Variants in OTUD7A observed in about 807,000 individuals in gnomAD.
OTUD7A encodes OTU deubiquitinase 7A.
A neutral mutation model predicts 65.7 loss-of-function variants in OTUD7A; 12 were observed. The observed-to-expected ratio is 0.18, with a 90% CI of 0.12 to 0.30. The LOEUF (loss-of-function observed/expected upper bound fraction) is 0.30. Ranked by LOEUF, OTUD7A falls within the 10% of genes least tolerant of loss-of-function variation. The pLI is 1.00. For missense variants in OTUD7A, 1,148 were observed against 1,304.8 expected (o/e 0.88, Z 1.85); for synonymous variants, 641 against 586.3 (o/e 1.09, Z -1.35).
intron 3 of OTUD7A, among the ~76,000 whole-genome samples, chr15:31,619,480 C>CTTCACA (rs1566946481): frequency 1.3e-5 from 2 of 151,822 alleles, no homozygotes; most frequent in Admixed American, 6.6e-5. Flanking sequence ...CTGAAGAGGT[C>CTTCACA]CTTCACATCC....
chr15:31,771,782 C>T (rs1162041730), intron 1 of OTUD7A, among the ~76,000 whole-genome samples: 2 of 152,188 alleles, frequency 1.3e-5, no homozygotes, highest in African/African-American at 2.4e-5. Flanking sequence ...CCTCTCCAAC[C>T]TCTTCAGCCT....
chr15:31,503,874 G>A (rs2041513947), intron 8 of OTUD7A, 56 bp from the exon 9 acceptor site: 1 of 1,602,306 alleles, frequency 6.2e-7, no homozygotes, highest in African/African-American at 1.3e-5. Flanking sequence ...GGAGGATGGA[G>A]AAAGTGGGGA....
intron 1 of OTUD7A, among the ~76,000 whole-genome samples, chr15:31,806,939 A>G (rs1896284561): frequency 6.6e-6 from 1 of 152,168 alleles, no homozygotes; most frequent in African/African-American, 2.4e-5. Flanking sequence ...ATCCTAAGCC[A>G]TCACCTGACG....
intron 4 of OTUD7A, among the ~76,000 whole-genome samples, chr15:31,565,239 C>T (rs1595615140): frequency 1.3e-5 from 2 of 151,968 alleles, no homozygotes; most frequent in Admixed American, 1.3e-4. Flanking sequence ...GAGAGTCTAC[C>T]TAATTCAATA....
intron 3 of OTUD7A, among the ~76,000 whole-genome samples, chr15:31,587,050 C>T (rs766676179): frequency 6.6e-6 from 1 of 152,160 alleles, no homozygotes; most frequent in Non-Finnish European, 1.5e-5. Flanking sequence ...GACTCAACAC[C>T]TCTGCTCGGC....
intron 1 of OTUD7A, among the ~76,000 whole-genome samples, chr15:31,753,998 C>T: frequency 6.6e-6 from 1 of 151,840 alleles, no homozygotes; most frequent in East Asian, 1.9e-4. Context: ...TAGAAGTGTT[C>T]CCTGTTCACT....
intron 3 of OTUD7A, among the ~76,000 whole-genome samples, chr15:31,571,747 G>A (rs1342306586): frequency 6.6e-6 from 1 of 152,194 alleles, no homozygotes; most frequent in African/African-American, 2.4e-5. Context: ...TTAAAAGCCA[G>A]CTAGTAAGCA....
chr15:31,629,099 A>G (rs1353578086), intron 3 of OTUD7A, among the ~76,000 whole-genome samples: 4 of 151,956 alleles, frequency 2.6e-5, no homozygotes, highest in Non-Finnish European at 4.4e-5. Context: ...TCTCCTGCCT[A>G]ATTGCCCTGG....
At chr15:31,688,286 T>C (rs1217556823) in intron 1 of OTUD7A, among the ~76,000 whole-genome samples, 1 of 151,740 alleles carries the variant, frequency 6.6e-6, no homozygotes. Context: ...AACAAACTTA[T>C]CACCATGAGC....
intron 1 of OTUD7A, among the ~76,000 whole-genome samples, chr15:31,754,405 T>A (rs937542001): frequency 1.3e-5 from 2 of 152,240 alleles, no homozygotes; most frequent in African/African-American, 4.8e-5. Flanking sequence ...GCATTTGCTT[T>A]TGGGCTCTTG....
At chr15:31,627,158 T>C (rs1289327460) in intron 3 of OTUD7A, among the ~76,000 whole-genome samples, 2 of 152,030 alleles carry the variant, frequency 1.3e-5, no homozygotes, top group African/African-American at 4.8e-5. Context: ...GTTACACATG[T>C]ATGCATGTGC....
chr15:31,506,215 C>CT (rs199623314), intron 8 of OTUD7A, among the ~76,000 whole-genome samples: 78 of 144,378 alleles, frequency 5.4e-4, no homozygotes, highest in African/African-American at 5.6e-4. Flanking sequence ...TTAATTATGA[C>CT]TTTTTTTTTT....
intron 8 of OTUD7A, among the ~76,000 whole-genome samples, chr15:31,515,376 A>G (rs1404154861): frequency 6.6e-6 from 1 of 152,160 alleles, no homozygotes; most frequent in African/African-American, 2.4e-5. Context: ...GTGAAGGCTC[A>G]GTATTGGGCA....
intron 3 of OTUD7A, among the ~76,000 whole-genome samples, chr15:31,643,618 T>C (rs1458983186): frequency 6.6e-6 from 1 of 152,224 alleles, no homozygotes; most frequent in Non-Finnish European, 1.5e-5. Flanking sequence ...CTGGTTTGAC[T>C]TTGATTGAAC....
chr15:31,859,286 T>C (rs1783822794), intron 1 of OTUD7A, among the ~76,000 whole-genome samples: 1 of 152,234 alleles, frequency 6.6e-6, no homozygotes, highest in African/African-American at 2.4e-5. Context: ...AAGGGCTAAA[T>C]AGAGCTAATC....
At chr15:31,587,665 A>G (rs1042697058) in intron 3 of OTUD7A, among the ~76,000 whole-genome samples, 1 of 151,806 alleles carries the variant, frequency 6.6e-6, no homozygotes, top group African/African-American at 2.4e-5. Context: ...GAAAATGTAA[A>G]TCTTATCATG....
intron 5 of OTUD7A, among the ~76,000 whole-genome samples, chr15:31,547,320 T>G (rs1888163284): frequency 6.6e-6 from 1 of 152,266 alleles, no homozygotes. Flanking sequence ...AAACTGTGAC[T>G]ACATATTGTC....
chr15:31,833,993 G>A (rs539450422), intron 1 of OTUD7A, among the ~76,000 whole-genome samples: 35 of 152,332 alleles, frequency 2.3e-4, no homozygotes, highest in Non-Finnish European at 4.3e-4. Context: ...CAGGGAGGCC[G>A]TGGAGGGCCT....
intron 3 of OTUD7A, among the ~76,000 whole-genome samples, chr15:31,590,222 T>C (rs1314357433): frequency 2.0e-5 from 3 of 152,236 alleles, no homozygotes; most frequent in African/African-American, 7.2e-5. Context: ...GCCTATAGTT[T>C]TGTAGCTTAC....
Sources: gnomAD v4.1 joint callset for allele counts (sites outside exome capture counted in the v4.1 genomes callset) on GRCh38, gnomAD v4.1.1 for gene constraint, MANE v1.5 for transcripts, NCBI Gene and HGNC (gene_info 2026-07-23, HGNC 2026-07-21) for gene names.